Variants in CCDC136 observed in about 807,000 individuals in gnomAD.
The protein encoded by CCDC136 is coiled-coil domain-containing protein 136.
A neutral mutation model predicts 141.2 loss-of-function variants in CCDC136; 100 were observed. The ratio of observed to expected loss-of-function variants is 0.71; its 90% confidence interval spans 0.60 to 0.84. CCDC136 has a LOEUF of 0.84. Ranked by LOEUF, CCDC136 falls within the 40% of genes least tolerant of loss-of-function variation. The pLI, the probability that CCDC136 is intolerant of heterozygous loss-of-function variation, is 0.00. For synonymous variants in CCDC136, 474 were observed against 531.9 expected (o/e 0.89, Z 1.50); for missense variants, 1,206 against 1,379.4 (o/e 0.87, Z 1.99).
chr7:128,809,588 C>T lies in CCDC136; in HGVS notation c.1744C>T (p.Gln582Ter). ...GATGCAGGAGGAGCAGGGCCAGCTG[C>T]AGGAAGAGCTGCACAGGCTCACACT... ...RRMQEEQGQL[Q>*]EELHRLTLPL... Residue 582 changes from glutamine (Q) to a stop codon, truncating the protein, a stop_gained, in exon 11 of 18, where the codon CAG becomes TAG. Transcript: ENST00000297788. LOFTEE classifies it high-confidence loss of function. The T allele has an allele frequency of 6.4e-7, 1 of 1,566,644 alleles. No homozygotes were observed. The highest frequency in any genetic ancestry group is 8.6e-7 in the Non-Finnish European group (1 of 1,156,354).
chr7:128,800,851 A>G (rs1361463258), intron 3 of CCDC136, among the ~76,000 whole-genome samples: 1 of 152,198 alleles, frequency 6.6e-6, no homozygotes, highest in Non-Finnish European at 1.5e-5. Context: ...GGGCATCAAG[A>G]AAATACTATA....
At chr7:128,819,141 G>C (rs573304366) in intron 17 of CCDC136, among the ~76,000 whole-genome samples, 2 of 152,292 alleles carry the variant, frequency 1.3e-5, no homozygotes, top group Admixed American at 6.5e-5. Flanking sequence ...AAGTCTTAAG[G>C]CACTACGGGT....
At chr7:128,809,994 TC>T in intron 11 of CCDC136, 144 bp from the exon 12 acceptor site, 1 of 611,732 alleles carries the variant, frequency 1.6e-6, no homozygotes. Flanking sequence ...ATAGAAGGGC[TC>T]CCCCGTCCCC....
chr7:128,801,365 T>C lies in CCDC136; in HGVS notation c.526T>C (p.Cys176Arg), dbSNP rs750845685. ...SDIASLQEDLCRMQNELEDME... is the reference protein window; with the variant it reads ...SDIASLQEDLRRMQNELEDME... ...CATAGCATCCCTGCAGGAGGATCTC[T>C]GCCGGATGCAGAATGAACTTGAAGA... Residue 176 changes from cysteine (C) to arginine (R), a missense_variant, in exon 4 of 18, where the codon TGC (cysteine) becomes CGC (arginine). Physicochemically the swap from Cys to Arg is radical, Grantham distance 180 (BLOSUM62 -3). Coordinates refer to ENST00000297788, the MANE Select transcript of CCDC136 (RefSeq NM_022742.5). The C allele has an allele frequency of 3.1e-5, 50 of 1,613,418 alleles. No homozygotes were observed. Among genetic ancestry groups the C allele is most frequent in the Non-Finnish European group, 3.8e-5 (45 of 1,179,678 alleles).
At chr7:128,796,737 ATATTCT>A (rs1803011373) in intron 3 of CCDC136, among the ~76,000 whole-genome samples, 1 of 119,120 alleles carries the variant, frequency 8.4e-6, no homozygotes, top group East Asian at 3.1e-4. Flanking sequence ...ATATATATAT[ATATTCT>A]TTTTTTTTTT....
Position 128,812,110 on chromosome 7 carries a change from A to G in CCDC136, c.2339A>G (p.Gln780Arg). The G allele has an allele frequency of 6.2e-7, 1 of 1,614,062 alleles. No homozygotes were observed. Among genetic ancestry groups the G allele is most frequent in the Non-Finnish European group, 8.5e-7 (1 of 1,179,894 alleles). ...ESYYKSYTST[Q>R]TSSKSFLKSY... ...TATTACAAGAGTTACACCAGCACCC[A>G]GACCAGCAGCAAGAGCTTTCTCAAG... is the stretch of plus-strand genomic sequence containing the variant. The change falls in exon 13 of 18, where the codon CAG (glutamine) becomes CGG (arginine). Residue 780 changes from glutamine to arginine, a missense_variant. By Grantham distance (43) the Gln-to-Arg change is conservative (BLOSUM62 1). Transcript: ENST00000297788.
chr7:128,816,023 T>G (rs1160907170), intron 16 of CCDC136, 92 bp downstream of exon 16: 3 of 1,297,894 alleles, frequency 2.3e-6, no homozygotes, highest in African/African-American at 3.0e-5. Flanking sequence ...AGGATGGATA[T>G]CTCCAGGAGT....
chr7:128,812,151 A>G lies in CCDC136; in HGVS notation c.2380A>G (p.Thr794Ala). The G allele has an allele frequency of 6.2e-7, 1 of 1,614,042 alleles. No homozygotes were observed. The highest frequency in any genetic ancestry group is 8.5e-7 in the Non-Finnish European group (1 of 1,179,892). Residue 794 changes from threonine (T) to alanine (A), a missense_variant, in exon 13 of 18, where the codon ACC becomes GCC. Coordinates refer to ENST00000297788, the MANE Select transcript of CCDC136 (RefSeq NM_022742.5). Reference protein sequence around the residue: ...KSFLKSYDSSTSASEAYGKSY... With the variant: ...KSFLKSYDSSASASEAYGKSY... ...CTTTCTCAAGAGCTATGACAGCAGC[A>G]CCAGTGCCAGTGAGGCCTATGGGAA...
chr7:128,796,631 A>G (rs1802985932), intron 3 of CCDC136, among the ~76,000 whole-genome samples: 1 of 151,624 alleles, frequency 6.6e-6, no homozygotes. Context: ...AGTGACTCAG[A>G]ACAGTGAGTC....
In CCDC136 at chr7:128,812,988, T is replaced by C. The variant is rs1414235585; in HGVS notation, c.2763+59T>C. The C allele has an allele frequency of 3.4e-6, 4 of 1,173,500 alleles. No homozygotes were observed. The East Asian group carries it at 7.6e-5, about 22-fold the overall frequency. The allele number at this position is 1,173,500 out of a possible 1,614,324, so 72.7% of individuals were successfully genotyped here. A position where few individuals can be genotyped will look rare whatever the true frequency, so the allele number is the denominator to read the frequency against. On this transcript the variant is annotated intron_variant, in intron 14 of 17. Coordinates refer to ENST00000297788, the MANE Select transcript of CCDC136 (RefSeq NM_022742.5). ...GCAGCCCCTGGAGCCATAGAGGTCATGGCCACTTCATAGAGGCTAAAGAGA... is the reference window on the plus strand; with the variant it reads ...GCAGCCCCTGGAGCCATAGAGGTCACGGCCACTTCATAGAGGCTAAAGAGA...
chr7:128,807,054 C>A (rs1305430986), intron 9 of CCDC136, among the ~76,000 whole-genome samples, 196 bp downstream of exon 9: 1 of 152,116 alleles, frequency 6.6e-6, no homozygotes, highest in South Asian at 2.1e-4. Flanking sequence ...AGAAAAGCAG[C>A]ATATAAAAAG....
Position 128,808,662 on chromosome 7 carries a change from G to C in CCDC136, c.1606-788G>C, listed in dbSNP as rs1323207590. 6.1e-6 allele frequency: 6 copies of C among 985,262 alleles called. No individual in the cohort carries two copies. The East Asian group carries it at 6.8e-4, about 112-fold the overall frequency. The allele number at this position is 985,262 out of a possible 1,614,324, so 61.0% of individuals were successfully genotyped here. On this transcript the variant is annotated intron_variant, in intron 10 of 17. Coordinates refer to ENST00000297788, the MANE Select transcript of CCDC136 (RefSeq NM_022742.5). The stretch of plus-strand genomic sequence containing the variant: ...TGGGGAAAGGCCTTCAGGAGACGGA[G>C]GACTGGGAAGGTTATTTGGGCCACC...
In CCDC136 at chr7:128,794,152, G is replaced by A. The variant is rs1318418618; in HGVS notation, c.17-196G>A. The A allele has an allele frequency of 1.8e-5, 13 of 709,688 alleles. No individual in the cohort carries two copies. The East Asian group carries it at 3.3e-4, about 18-fold the overall frequency. 44.0% of individuals were successfully genotyped at this position (709,688 alleles called of 1,614,324 possible). Reference sequence around the variant, plus strand: ...TGGTCCAGGAAGGGCCTGGGAGGTGGAGGGGCTGCTTCTCAACTTGACTCT... The same window carrying A: ...TGGTCCAGGAAGGGCCTGGGAGGTGAAGGGGCTGCTTCTCAACTTGACTCT... On this transcript the variant is annotated intron_variant, in intron 1 of 17. Coordinates refer to ENST00000297788, the MANE Select transcript of CCDC136 (RefSeq NM_022742.5). The surrounding 1 kb of genome is among the most constrained non-coding windows in gnomAD (Gnocchi z 4.3).
At position 128,805,830 on chromosome 7, in the gene CCDC136, C is replaced by T. The variant is rs370564304; in HGVS notation, c.1018C>T (p.Arg340Trp). The T allele has an allele frequency of 2.5e-5, 40 of 1,613,706 alleles. No homozygotes were observed. Among genetic ancestry groups the T allele is most frequent in the South Asian group, 1.6e-4 (15 of 91,038 alleles). The change falls in exon 7 of 18, where the codon CGG becomes TGG. Residue 340 changes from arginine to tryptophan, a missense_variant. Coordinates refer to ENST00000297788, the MANE Select transcript of CCDC136 (RefSeq NM_022742.5). This position sits in a 1 kb window ranked among gnomAD's most constrained non-coding sequence, Gnocchi z 4.6. The part of the protein sequence containing the change: ...HRQVSEEEQR[R>W]LQRELKCAQN... ...CCAGGTCAGTGAGGAGGAGCAGAGGCGGCTGCAGAGGGAGCTCAAGTGTGC... is the reference window on the plus strand; with the variant it reads ...CCAGGTCAGTGAGGAGGAGCAGAGGTGGCTGCAGAGGGAGCTCAAGTGTGC...
Position 128,812,177 on chromosome 7 carries a change from G to A in CCDC136, c.2406G>A (p.Lys802=). The change falls in exon 13 of 18, where the codon AAG becomes AAA. Residue 802 remains lysine (K), a synonymous_variant. Transcript: ENST00000297788. ...SSTSASEAYG[K]SYCTTSNSSI... ...CCAGTGCCAGTGAGGCCTATGGGAA[G>A]AGTTACTGCACTACCAGCAACAGCA... is the stretch of plus-strand genomic sequence containing the variant. The A allele has an allele frequency of 6.2e-7, 1 of 1,614,022 alleles. No homozygotes were observed. The highest frequency in any genetic ancestry group is 8.5e-7 in the Non-Finnish European group (1 of 1,179,894).
Position 128,809,311 on chromosome 7 carries a change from G to A in CCDC136, c.1606-139G>A, listed in dbSNP as rs973396156. On this transcript the variant is annotated intron_variant, in intron 10 of 17. Transcript: ENST00000297788. Reference sequence around the variant, plus strand: ...TATCTAAACAGCCAGAATGCATTGTGGCTTGGGGTGACCAGTCCAAGGTGA... The same window carrying A: ...TATCTAAACAGCCAGAATGCATTGTAGCTTGGGGTGACCAGTCCAAGGTGA... 54 of 644,814 alleles carry A rather than the reference G, an allele frequency of 8.4e-5. No individual in the cohort carries two copies. In the African/African-American group the frequency reaches 9.4e-4, roughly 11 times the overall value. The allele number at this position is 644,814 out of a possible 1,614,324, so 39.9% of individuals were successfully genotyped here.
chr7:128,809,115 T>A (rs941645664), intron 10 of CCDC136: 1 of 358,350 alleles, frequency 2.8e-6, no homozygotes, highest in South Asian at 7.1e-5. Context: ...GGGAATATGG[T>A]GTATAAAGGA....
intron 15 of CCDC136, 25 bp from the exon 16 acceptor site, chr7:128,815,589 A>G (rs1309241744): frequency 5.8e-6 from 9 of 1,540,814 alleles, no homozygotes; most frequent in Non-Finnish European, 7.9e-6. Flanking sequence ...CGCAGCCGCC[A>G]TCCTGCCCTA....
At chr7:128,816,947 T>C (rs1056031600) in intron 16 of CCDC136, among the ~76,000 whole-genome samples, 1 of 152,182 alleles carries the variant, frequency 6.6e-6, no homozygotes, top group Non-Finnish European at 1.5e-5. Context: ...AGGGGACCAT[T>C]ACCTAAGATG....
Sources: gnomAD v4.1 joint callset for allele counts (sites outside exome capture counted in the v4.1 genomes callset) on GRCh38, gnomAD v4.1.1 for gene constraint, Gnocchi (gnomAD v3.1) non-coding constraint, MANE v1.5 for transcripts, NCBI Gene and HGNC (gene_info 2026-07-23, HGNC 2026-07-21) for gene names.